The following ZNF431 variants were observed in gnomAD, a reference collection of about 807,000 sequenced individuals.
ZNF431 encodes zinc finger protein 431.
In ZNF431, 34 loss-of-function variants were observed where a neutral mutation model predicts 57.0. The ratio of observed to expected loss-of-function variants is 0.60; its 90% CI spans 0.45 to 0.79. ZNF431 has a LOEUF of 0.79. Ranked by LOEUF, ZNF431 falls within the 30% of genes least tolerant of loss-of-function variation. The pLI is 0.00. For missense variants in ZNF431, 607 were observed against 667.1 expected, an observed-to-expected ratio of 0.91 and a Z score of 0.99; for synonymous variants, 207 against 220.3, an observed-to-expected ratio of 0.94 and a Z score of 0.54.
Position 21,183,236 on chromosome 19 carries a change from T to C in ZNF431, c.933T>C (p.Thr311=). The C allele has an allele frequency of 6.2e-7, 1 of 1,614,068 alleles. No individual in the cohort carries two copies. The highest frequency in any genetic ancestry group is 8.5e-7 in the Non-Finnish European group (1 of 1,179,956). ...TTACTACACATAAGATAATTCATAC[T>C]GGAGAGAAGCCCTACAAATGTGAAG... ...SHLTTHKIIH[T]GEKPYKCEEC... The change falls in exon 5 of 5, where the codon ACT becomes ACC. Residue 311 remains threonine, a synonymous_variant. Coordinates refer to ENST00000311048, the MANE Select transcript of ZNF431 (RefSeq NM_133473.4).
chr19:21,154,904 C>T (rs970942355), intron 2 of ZNF431, among the ~76,000 whole-genome samples: 2 of 152,078 alleles, frequency 1.3e-5, no homozygotes, highest in Admixed American at 6.6e-5. Context: ...GAGTTCATTG[C>T]TGATTCTGGA....
rs1406851692 is a variant in ZNF431, at chr19:21,194,730, C to A, written c.*10696C>A. The A allele has an allele frequency of 6.6e-6, 1 of 152,124 alleles. No homozygotes were observed. Among genetic ancestry groups the A allele is most frequent in the Non-Finnish European group, 1.5e-5 (1 of 68,040 alleles). The allele number at this position is 152,124 out of a possible 1,614,324, so 9.4% of individuals were successfully genotyped here. A position where few individuals can be genotyped will look rare whatever the true frequency, so the allele number is the denominator to read the frequency against. The stretch of plus-strand genomic sequence containing the variant: ...AAAGTGCTGGGATTACAGGTGCGAC[C>A]CACCATGCCTGGCCCAACCCCATAT... On this transcript the variant is annotated 3_prime_UTR_variant, in exon 5 of 5. Coordinates refer to ENST00000311048, the MANE Select transcript of ZNF431 (RefSeq NM_133473.4).
Position 21,194,121 on chromosome 19 carries a change from A to G in ZNF431, c.*10087A>G, listed in dbSNP as rs1025894960. On this transcript the variant is annotated 3_prime_UTR_variant, in exon 5 of 5. Coordinates refer to ENST00000311048, the MANE Select transcript of ZNF431 (RefSeq NM_133473.4). Reference sequence around the variant, plus strand: ...CTACCTAGAAAACTTTAAGGATTTTACCAAAAGACTCCTAAGGTTAAAAAT... The same window carrying G: ...CTACCTAGAAAACTTTAAGGATTTTGCCAAAAGACTCCTAAGGTTAAAAAT... The G allele has an allele frequency of 1.3e-5, 2 of 152,218 alleles. No individual in the cohort carries two copies. The highest frequency in any genetic ancestry group is 4.8e-5 in the African/African-American group (2 of 41,460). The allele number at this position is 152,218 out of a possible 1,614,324, so 9.4% of individuals were successfully genotyped here. A position where few individuals can be genotyped will look rare whatever the true frequency, so the allele number is the denominator to read the frequency against.
At chr19:21,162,277 G>A (rs1599593869) in intron 2 of ZNF431, among the ~76,000 whole-genome samples, 1 of 152,054 alleles carries the variant, frequency 6.6e-6, no homozygotes, top group African/African-American at 2.4e-5. Context: ...GGAGTCAAGC[G>A]ATTGTCCTGC....
intron 4 of ZNF431, among the ~76,000 whole-genome samples, chr19:21,170,651 CT>C (rs1970860002): frequency 6.6e-6 from 1 of 150,900 alleles, no homozygotes; most frequent in African/African-American, 2.4e-5. Context: ...CTTTTCTTTT[CT>C]TTTCTTTTTT....
In ZNF431 at chr19:21,169,696, C is replaced by T. The variant is rs767517567; in HGVS notation, c.319+2030C>T. ...GTAGGGCAGATACCAGGGCAGATTT[C>T]TGCAGTTGGCTCCTTATATAATGGC... is the stretch of plus-strand genomic sequence containing the variant. On this transcript the variant is annotated intron_variant, in intron 4 of 4. Transcript: ENST00000311048. The T allele has an allele frequency of 1.9e-4, 76 of 397,752 alleles. No individual in the cohort carries two copies. In the Middle Eastern group the frequency reaches 3.2e-3, roughly 16 times the overall value. 24.6% of individuals were successfully genotyped at this position (397,752 alleles called of 1,614,324 possible).
At chr19:21,151,807 G>C (rs927345758) in intron 2 of ZNF431, among the ~76,000 whole-genome samples, 2 of 152,272 alleles carry the variant, frequency 1.3e-5, no homozygotes, top group African/African-American at 2.4e-5. Context: ...TACAGCTTAA[G>C]ACTAACCTCA....
At chr19:21,182,235 A>G (rs908846004) in intron 4 of ZNF431, among the ~76,000 whole-genome samples, 3 of 152,162 alleles carry the variant, frequency 2.0e-5, no homozygotes, top group Non-Finnish European at 4.4e-5. Context: ...AGTAATATAG[A>G]TGTATGTGCC....
chr19:21,175,787 G>A (rs1413016750), intron 4 of ZNF431, among the ~76,000 whole-genome samples: 1 of 152,136 alleles, frequency 6.6e-6, no homozygotes, highest in Non-Finnish European at 1.5e-5. Flanking sequence ...ATTAGTCTAT[G>A]GTGCATATGT....
intron 4 of ZNF431, among the ~76,000 whole-genome samples, chr19:21,172,283 C>T (rs1265946845): frequency 6.6e-6 from 1 of 151,204 alleles, no homozygotes; most frequent in Non-Finnish European, 1.5e-5. Flanking sequence ...ACAAAATTAG[C>T]CAGACATGGT....
chr19:21,176,989 C>T (rs1160761521), intron 4 of ZNF431, among the ~76,000 whole-genome samples: 2 of 151,998 alleles, frequency 1.3e-5, no homozygotes, highest in Non-Finnish European at 2.9e-5. Flanking sequence ...TGAGCCACCA[C>T]ACCTGGTGAT....
intron 2 of ZNF431, among the ~76,000 whole-genome samples, chr19:21,160,284 G>A (rs991164464): frequency 2.0e-4 from 31 of 152,106 alleles, no homozygotes; most frequent in African/African-American, 7.2e-4. Flanking sequence ...TTTAGATCTT[G>A]TTCAATGACC....
intron 4 of ZNF431, 85 bp downstream of exon 4, chr19:21,167,751 T>C: frequency 1.1e-6 from 1 of 927,360 alleles, no homozygotes; most frequent in Non-Finnish European, 1.5e-6. Flanking sequence ...TTACAATGTG[T>C]TTTGGGAAGC....
chr19:21,172,797 A>G (rs1213411605), intron 4 of ZNF431, among the ~76,000 whole-genome samples: 1 of 152,190 alleles, frequency 6.6e-6, no homozygotes, highest in African/African-American at 2.4e-5. Context: ...ACCCTGTCTT[A>G]AAAAGAAGCT....
At position 21,183,937 on chromosome 19, in the gene ZNF431, G is replaced by T; in HGVS notation, c.1634G>T (p.Cys545Phe). The T allele has an allele frequency of 1.2e-6, 2 of 1,612,534 alleles. No homozygotes were observed. The highest frequency in any genetic ancestry group is 1.7e-6 in the Non-Finnish European group (2 of 1,179,412). Reference sequence around the variant, plus strand: ...CAGAAACCCTACAACTGTGAAGAATGTGACAATACATTTAACCAGTCCTCA... The same window carrying T: ...CAGAAACCCTACAACTGTGAAGAATTTGACAATACATTTAACCAGTCCTCA... Reference protein sequence around the residue: ...TRQKPYNCEECDNTFNQSSNL... With the variant: ...TRQKPYNCEEFDNTFNQSSNL... The change falls in exon 5 of 5, where the codon TGT becomes TTT. Residue 545 changes from cysteine to phenylalanine, a missense_variant. Transcript: ENST00000311048.
intron 2 of ZNF431, among the ~76,000 whole-genome samples, chr19:21,163,585 G>A (rs1970637273): frequency 6.6e-6 from 1 of 152,106 alleles, no homozygotes; most frequent in Admixed American, 6.5e-5. Flanking sequence ...GTAATGGCAC[G>A]ATCTCGTCTC....
intron 4 of ZNF431, among the ~76,000 whole-genome samples, chr19:21,180,691 A>T (rs1049524339): frequency 6.6e-6 from 1 of 150,680 alleles, no homozygotes; most frequent in Non-Finnish European, 1.5e-5. Context: ...GCTCACACCT[A>T]TATTCCCAGC....
intron 3 of ZNF431, among the ~76,000 whole-genome samples, chr19:21,167,190 T>G (rs1970743840): frequency 6.6e-6 from 1 of 151,772 alleles, no homozygotes; most frequent in South Asian, 2.1e-4. Flanking sequence ...AGATGGAAGT[T>G]TGCTCTTGTT....
intron 4 of ZNF431, among the ~76,000 whole-genome samples, chr19:21,180,577 G>A (rs1031728009): frequency 1.4e-5 from 2 of 146,602 alleles, no homozygotes; most frequent in East Asian, 2.0e-4. Flanking sequence ...GTGTACTTAC[G>A]CAAACGTATT....
Sources: gnomAD v4.1 joint callset for allele counts (sites outside exome capture counted in the v4.1 genomes callset) on GRCh38, gnomAD v4.1.1 for gene constraint, MANE v1.5 for transcripts, NCBI Gene and HGNC (gene_info 2026-07-23, HGNC 2026-07-21) for gene names.